Variants in CCDC171 observed in about 807,000 individuals in gnomAD.
CCDC171 encodes coiled-coil domain-containing protein 171.
A neutral mutation model predicts 168.2 loss-of-function variants in CCDC171; 177 were observed. The observed-to-expected ratio is 1.05, with a 90% CI of 0.93 to 1.19. CCDC171 has a LOEUF of 1.19. CCDC171 is among the 50% of genes most tolerant of loss of function. CCDC171 has a pLI of 0.00. For synonymous variants in CCDC171, 687 were observed against 540.8 expected, an observed-to-expected ratio of 1.27 and a Z score of -3.75; for missense variants, 1,991 against 1,539.0, an observed-to-expected ratio of 1.29 and a Z score of -4.91.
At chr9:15,623,107 A>C (rs1326461516) in intron 6 of CCDC171, among the ~76,000 whole-genome samples, 160 bp from the exon 7 acceptor site, 2 of 152,180 alleles carry the variant, frequency 1.3e-5, no homozygotes, top group African/African-American at 4.8e-5. Flanking sequence ...GGACATTCTG[A>C]AACATTGATG....
chr9:15,695,774 C>A (rs140454263), intron 11 of CCDC171, among the ~76,000 whole-genome samples: 5 of 152,156 alleles, frequency 3.3e-5, no homozygotes, highest in African/African-American at 1.2e-4. Flanking sequence ...CTTTCCAAGC[C>A]GGTTTTCTAA....
chr9:16,053,543 C>T lies in CCDC171; in HGVS notation n.90-7103C>T, dbSNP rs571737608. 1.3e-3 allele frequency among the ~76,000 whole-genome samples: 195 copies of T among 152,364 alleles called. 1 individual carries two copies. Among genetic ancestry groups the T allele is most frequent in the African/African-American group, 4.2e-3 (174 of 41,590 alleles). On this transcript the variant is annotated intron_variant and non_coding_transcript_variant, in intron 1 of 1. Coordinates refer to the CCDC171 transcript ENST00000478913. ...TTTGAGGATATGAGGGTGCATGGCA[C>T]ATAGGTGAAGAAGTGATTGCCTCTT...
Position 16,005,720 on chromosome 9 carries a change from G to T in CCDC171, n.369-14869G>T, listed in dbSNP as rs554556232. Among the ~76,000 whole-genome samples the T allele has an allele frequency of 7.9e-5, 12 of 152,266 alleles. No homozygotes were observed. The East Asian group carries it at 2.3e-3, about 29-fold the overall frequency. On this transcript the variant is annotated intron_variant and non_coding_transcript_variant, in intron 3 of 9. Coordinates refer to the CCDC171 transcript ENST00000486641. ...TAAAGTATACAGGAGGATATGTGTA[G>T]TAGGTTAAATGCAAATACTACATTT... is the stretch of plus-strand genomic sequence containing the variant.
intron 24 of CCDC171, among the ~76,000 whole-genome samples, chr9:15,907,912 C>T (rs1822961167): frequency 6.6e-6 from 1 of 152,212 alleles, no homozygotes; most frequent in South Asian, 2.1e-4. Flanking sequence ...AAATGCTCAT[C>T]ATCACTGGCC....
At chr9:15,899,095 C>G (rs1488429209) in intron 24 of CCDC171, among the ~76,000 whole-genome samples, 1 of 152,140 alleles carries the variant, frequency 6.6e-6, no homozygotes, top group East Asian at 1.9e-4. Context: ...TTGGCTTTTT[C>G]ACTCAGTGTA....
intron 21 of CCDC171, among the ~76,000 whole-genome samples, chr9:15,787,421 A>G (rs1433214610): frequency 6.6e-6 from 1 of 152,132 alleles, no homozygotes; most frequent in Non-Finnish European, 1.5e-5. Context: ...TACATAATTT[A>G]TTAACCTAAT....
chr9:16,086,737 T>C, the CCDC171 span, among the ~76,000 whole-genome samples: 1 of 152,230 alleles, frequency 6.6e-6, no homozygotes, highest in Non-Finnish European at 1.5e-5. Context: ...ATCTTAGTTA[T>C]TTCTTGTCTT....
At chr9:15,614,820 T>C (rs1381010302) in intron 6 of CCDC171, among the ~76,000 whole-genome samples, 1 of 152,214 alleles carries the variant, frequency 6.6e-6, no homozygotes, top group Non-Finnish European at 1.5e-5. Context: ...ATCTTTACTA[T>C]AGGATTGTTT....
chr9:15,693,188 C>T (rs950369552), intron 10 of CCDC171, among the ~76,000 whole-genome samples: 11 of 125,484 alleles, frequency 8.8e-5, no homozygotes, highest in Non-Finnish European at 1.8e-4. Flanking sequence ...TAGAAATTCT[C>T]TCTGCGTTTA....
At chr9:15,720,168 T>C (rs1160113780) in intron 11 of CCDC171, among the ~76,000 whole-genome samples, 2 of 152,194 alleles carry the variant, frequency 1.3e-5, no homozygotes, top group East Asian at 3.8e-4. Flanking sequence ...AATATATTAA[T>C]AACATTTTCT....
chr9:15,781,100 A>G (rs1289812041), intron 20 of CCDC171, among the ~76,000 whole-genome samples: 1 of 152,216 alleles, frequency 6.6e-6, no homozygotes, highest in Non-Finnish European at 1.5e-5. Flanking sequence ...TTTTGTAAAA[A>G]CTGGAAAATT....
At chr9:15,890,759 GT>G (rs1465637487) in intron 24 of CCDC171, among the ~76,000 whole-genome samples, 3 of 152,002 alleles carry the variant, frequency 2.0e-5, no homozygotes, top group Admixed American at 6.6e-5. Context: ...CAATAAACCT[GT>G]TTTAAAAACT....
rs746727594 is a variant in CCDC171 at position 15,623,371 on chromosome 9, A to G, written c.780A>G (p.Glu260=). 1.9e-6 allele frequency: 3 copies of G among 1,612,334 alleles called. No homozygotes were observed. Among genetic ancestry groups the G allele is most frequent in the South Asian group, 2.2e-5 (2 of 90,772 alleles). ...DLLRRQTSEL[E]FSTQREERLR... is the part of the protein sequence containing the mutation. ...TACGGCGACAAACAAGTGAACTTGA[A>G]TTTAGCACTCAACGAGAGGAACGCC... Residue 260 remains glutamate, a synonymous_variant, in exon 7 of 26, where the codon GAA becomes GAG. Transcript: ENST00000380701.
intron 3 of CCDC171, among the ~76,000 whole-genome samples, chr9:15,573,351 C>T (rs915748422): frequency 6.6e-5 from 10 of 152,168 alleles, no homozygotes; most frequent in Non-Finnish European, 1.2e-4. Flanking sequence ...TCTCGGCTCA[C>T]TGCAACCACT....
rs141183611 is a variant in CCDC171, at chr9:15,798,038, T to C, written c.3267+13344T>C. Among the ~76,000 whole-genome samples, 34 of 152,318 alleles carry C rather than the reference T, an allele frequency of 2.2e-4. No individual in the cohort carries two copies. In the East Asian group the frequency reaches 5.8e-3, roughly 26 times the overall value. ...TTTGCTAATTCCACATTGTTTTAAT[T>C]GCTGTGCCTTTATAGGATGCCTTGG... is the stretch of plus-strand genomic sequence containing the variant. On this transcript the variant is annotated intron_variant, in intron 21 of 25. Coordinates refer to ENST00000380701, the MANE Select transcript of CCDC171 (RefSeq NM_173550.4).
In CCDC171 at chr9:15,723,712, A is replaced by C. The variant is rs770628747; in HGVS notation, c.1457A>C (p.Lys486Thr). 1 of 1,582,544 alleles carries C rather than the reference A, an allele frequency of 6.3e-7. No individual in the cohort carries two copies. Among genetic ancestry groups the C allele is most frequent in the South Asian group, 1.1e-5 (1 of 87,980 alleles). Residue 486 changes from lysine (K) to threonine (T), a missense_variant, in exon 13 of 26, where the codon AAA becomes ACA. Coordinates refer to ENST00000380701, the MANE Select transcript of CCDC171 (RefSeq NM_173550.4). ...EKACNELDSTKQKIDSHTKNI... is the reference protein window; with the variant it reads ...EKACNELDSTTQKIDSHTKNI... ...GCATGTAATGAACTTGATTCTACGA[A>C]ACAGAAGATAGACTCTCACACTAAA...
At chr9:15,615,817 C>G (rs938100893) in intron 6 of CCDC171, among the ~76,000 whole-genome samples, 10 of 150,476 alleles carry the variant, frequency 6.6e-5, no homozygotes, top group African/African-American at 2.4e-4. Context: ...CTCACTCTGT[C>G]ACCCAGGCTG....
intron 3 of CCDC171, among the ~76,000 whole-genome samples, chr9:15,991,399 G>A (rs377720620): frequency 0.028 from 3,939 of 140,724 alleles, 297 homozygotes; most frequent in African/African-American, 0.12. Context: ...AAGACACAAC[G>A]TACCAGAATC....
chr9:15,658,490 C>T (rs2048097007), intron 8 of CCDC171, among the ~76,000 whole-genome samples: 1 of 152,118 alleles, frequency 6.6e-6, no homozygotes, highest in African/African-American at 2.4e-5. Context: ...CCACATCTGC[C>T]CTTATCCTCA....
Sources: gnomAD v4.1 joint callset for allele counts (sites outside exome capture counted in the v4.1 genomes callset) on GRCh38, gnomAD v4.1.1 for gene constraint, MANE v1.5 for transcripts, NCBI Gene and HGNC (gene_info 2026-07-23, HGNC 2026-07-21) for gene names.